LHX6: variants seen among roughly 807,000 people sequenced by gnomAD.
LHX6 encodes LIM homeobox 6, also known as LIM/homeobox protein Lhx6.
Under a neutral mutation model 47.1 loss-of-function variants are expected in LHX6, and 15 were observed. The ratio of observed to expected loss-of-function variants is 0.32; its 90% CI spans 0.21 to 0.49. LHX6 has a LOEUF of 0.49. LHX6 is among the 20% of genes least tolerant of loss of function. The probability of loss-of-function intolerance (pLI) is 0.99; values close to 1 mark genes in which losing one functional copy is unlikely to be tolerated. For missense variants in LHX6, 404 were observed against 539.6 expected, an observed-to-expected ratio of 0.75 and a Z score of 2.49; for synonymous variants, 242 against 233.5, an observed-to-expected ratio of 1.04 and a Z score of -0.33.
Position 122,214,227 on chromosome 9 carries a change from C to A in LHX6, c.783+56G>T. 1 of 1,393,782 alleles carries A rather than the reference C, an allele frequency of 7.2e-7. No individual in the cohort carries two copies. The highest frequency in any genetic ancestry group is 2.5e-4 in the Middle Eastern group (1 of 3,956). 86.3% of individuals were successfully genotyped at this position (1,393,782 alleles called of 1,614,324 possible). On this transcript the variant is annotated intron_variant, in intron 6 of 9. Transcript: ENST00000394319. This position sits in a 1 kb window ranked among gnomAD's most constrained non-coding sequence, Gnocchi z 4.6. ...GGGCGGAGCCAGGAGACATTGTCGGCCCCGCCCACTTTCGGCCCGGCCCCC... is the reference window on the plus strand; with the variant it reads ...GGGCGGAGCCAGGAGACATTGTCGGACCCGCCCACTTTCGGCCCGGCCCCC...
At position 122,213,228 on chromosome 9, in the gene LHX6, C is replaced by T. The variant is rs1412365013; in HGVS notation, c.1054+378G>A. Reference sequence around the variant, plus strand: ...TACCCAGCACCTTTCCTACAGGAATCATCCCACTTAAAACGACACACTCAT... The same window carrying T: ...TACCCAGCACCTTTCCTACAGGAATTATCCCACTTAAAACGACACACTCAT... On this transcript the variant is annotated intron_variant, in intron 8 of 9. Coordinates refer to ENST00000394319, the MANE Select transcript of LHX6 (RefSeq NM_014368.5). This position sits in a 1 kb window ranked among gnomAD's most constrained non-coding sequence, Gnocchi z 5.5. Among the ~76,000 whole-genome samples, 2 of 152,112 alleles carry T rather than the reference C, an allele frequency of 1.3e-5. No individual in the cohort carries two copies. Among genetic ancestry groups the T allele is most frequent in the Non-Finnish European group, 2.9e-5 (2 of 68,028 alleles).
chr9:122,214,622 G>T lies in LHX6; in HGVS notation c.683-239C>A, dbSNP rs1430976777. On this transcript the variant is annotated intron_variant, in intron 5 of 9. Coordinates refer to ENST00000394319, the MANE Select transcript of LHX6 (RefSeq NM_014368.5). The surrounding 1 kb of genome is among the most constrained non-coding windows in gnomAD (Gnocchi z 4.6). ...ACGTCTTACAGCCCTAAGGAGAGGTGGCGTTACCTCATTATACATGGGAGG... is the reference window on the plus strand; with the variant it reads ...ACGTCTTACAGCCCTAAGGAGAGGTTGCGTTACCTCATTATACATGGGAGG... Among the ~76,000 whole-genome samples the T allele has an allele frequency of 6.6e-6, 1 of 152,084 alleles. No homozygotes were observed. Among genetic ancestry groups the T allele is most frequent in the Non-Finnish European group, 1.5e-5 (1 of 68,016 alleles).
rs773696185 is a variant in LHX6 at position 122,217,328 on chromosome 9, G to C, written c.462-40C>G. Reference sequence around the variant, plus strand: ...GACAGGCACGGGGTGTCGAGACTCAGACAGGCCAACCTTCCTCCTTCCACC... The same window carrying C: ...GACAGGCACGGGGTGTCGAGACTCACACAGGCCAACCTTCCTCCTTCCACC... On this transcript the variant is annotated intron_variant, in intron 4 of 9. Transcript: ENST00000394319. The surrounding 1 kb of genome is among the most constrained non-coding windows in gnomAD (Gnocchi z 4.9). 6.5e-7 allele frequency: 1 copy of C among 1,542,896 alleles called. No individual in the cohort carries two copies. Among genetic ancestry groups the C allele is most frequent in the Non-Finnish European group, 8.8e-7 (1 of 1,139,274 alleles).
Position 122,213,659 on chromosome 9 carries a change from G to A in LHX6, c.1001C>T (p.Pro334Leu). The change falls in exon 8 of 10, where the codon CCG (proline) becomes CTG (leucine). Residue 334 changes from proline (P) to leucine (L), a missense_variant. This residue lies in a region of LHX6 where 127 missense variants were observed against 116.1 expected (regional missense o/e 1.09). Coordinates refer to ENST00000394319, the MANE Select transcript of LHX6 (RefSeq NM_014368.5). The surrounding 1 kb of genome is among the most constrained non-coding windows in gnomAD (Gnocchi z 5.5). ...SALSDDIHYTPFSSPERARMV... is the reference protein window; with the variant it reads ...SALSDDIHYTLFSSPERARMV... ...GCGCGCCCGCTCGGGGCTGCTGAAC[G>A]GGGTGTAGTGGATGTCGTCGGACAG... 2 of 1,611,310 alleles carry A rather than the reference G, an allele frequency of 1.2e-6. No homozygotes were observed. The highest frequency in any genetic ancestry group is 1.7e-4 in the Middle Eastern group (1 of 6,022).
chr9:122,227,488 A>AG lies in LHX6; in HGVS notation c.85-9dup, dbSNP rs771289498. On this transcript the variant is annotated splice_polypyrimidine_tract_variant and intron_variant, in intron 1 of 9. Transcript: ENST00000394319. ...CCCTGGCTGGGCCATCACCTGGGGG[A>AG]GGGGGGGAGGGAACGCAGGCGGCGG... The AG allele has an allele frequency of 2.6e-4, 93 of 360,118 alleles. No individual in the cohort carries two copies. The highest frequency in any genetic ancestry group is 3.4e-4 in the Non-Finnish European group (67 of 195,846). 22.3% of individuals were successfully genotyped at this position (360,118 alleles called of 1,614,324 possible).
At chr9:122,221,114 T>C in intron 4 of LHX6, 10 of 985,514 alleles carry the variant, frequency 1.0e-5, no homozygotes, top group Non-Finnish European at 1.1e-5. Context: ...CAAGACCTTC[T>C]TGAAGGCTTT....
intron 8 of LHX6, among the ~76,000 whole-genome samples, chr9:122,209,939 G>A (rs113239946): frequency 0.014 from 2,199 of 151,798 alleles, 54 homozygotes; most frequent in African/African-American, 0.049. Context: ...GCAGTGGCAC[G>A]ATCTTGGCTC....
At chr9:122,222,113 C>T (rs1367680324) in intron 4 of LHX6, among the ~76,000 whole-genome samples, 3 of 152,232 alleles carry the variant, frequency 2.0e-5, no homozygotes, top group African/African-American at 7.2e-5. Context: ...TCCTGTGTCA[C>T]TGTAAGCAAT....
Position 122,213,586 on chromosome 9 carries a change from C to T in LHX6, c.1054+20G>A. 1 of 1,540,206 alleles carries T rather than the reference C, an allele frequency of 6.5e-7. No individual in the cohort carries two copies. On this transcript the variant is annotated intron_variant, in intron 8 of 9. Coordinates refer to ENST00000394319, the MANE Select transcript of LHX6 (RefSeq NM_014368.5). The surrounding 1 kb of genome is among the most constrained non-coding windows in gnomAD (Gnocchi z 5.5). ...CCCCTCCCCGCAGGCCCAGCGGCTC[C>T]CGGCGCTGCGGTTACTTACTCTCAA...
At position 122,228,746 on chromosome 9, in the gene LHX6, G is replaced by A. The variant is rs780004247; in HGVS notation, c.-6C>T. 8 of 1,259,444 alleles carry A rather than the reference G, an allele frequency of 6.4e-6. No individual in the cohort carries two copies. The highest frequency in any genetic ancestry group is 2.8e-4 in the Middle Eastern group (1 of 3,542). The allele number at this position is 1,259,444 out of a possible 1,614,324, so 78.0% of individuals were successfully genotyped here. ...TTCTCATGCTTCCAGTACATGGGCC[G>A]GGGAACCTCGGGCTCAGCGGGCGCG... On this transcript the variant is annotated 5_prime_UTR_variant, in exon 1 of 10. Coordinates refer to ENST00000394319, the MANE Select transcript of LHX6 (RefSeq NM_014368.5).
At position 122,217,673 on chromosome 9, in the gene LHX6, A is replaced by G. The variant is rs1830647730; in HGVS notation, c.462-385T>C. On this transcript the variant is annotated intron_variant, in intron 4 of 9. Transcript: ENST00000394319. This position sits in a 1 kb window ranked among gnomAD's most constrained non-coding sequence, Gnocchi z 4.9. ...TGTTTTACATTGATTATCCCAATTAATCCTCATTTTGCAGGTGAGGAAAAT... is the reference window on the plus strand; with the variant it reads ...TGTTTTACATTGATTATCCCAATTAGTCCTCATTTTGCAGGTGAGGAAAAT... Among the ~76,000 whole-genome samples, 3 of 152,232 alleles carry G rather than the reference A, an allele frequency of 2.0e-5. No homozygotes were observed. The South Asian group carries it at 6.2e-4, about 31-fold the overall frequency.
chr9:122,206,351 G>A (rs1437347077), intron 9 of LHX6, among the ~76,000 whole-genome samples: 2 of 152,200 alleles, frequency 1.3e-5, no homozygotes, highest in African/African-American at 4.8e-5. Flanking sequence ...GAAGGACTTG[G>A]AAGAAAGCCC....
At chr9:122,207,837 G>A (rs758487242) in intron 9 of LHX6, among the ~76,000 whole-genome samples, 3 of 152,040 alleles carry the variant, frequency 2.0e-5, no homozygotes, top group African/African-American at 4.8e-5. Flanking sequence ...TATTACACTC[G>A]CAGATCCCTA....
At chr9:122,206,532 G>A (rs552604565) in intron 9 of LHX6, among the ~76,000 whole-genome samples, 1 of 152,322 alleles carries the variant, frequency 6.6e-6, no homozygotes, top group South Asian at 2.1e-4. Context: ...CTTTCTGGGT[G>A]CAAAGTTGGG....
At chr9:122,224,935 C>T (rs1564445981) in intron 4 of LHX6, among the ~76,000 whole-genome samples, 1 of 152,164 alleles carries the variant, frequency 6.6e-6, no homozygotes, top group Non-Finnish European at 1.5e-5. Flanking sequence ...CTTGGTTGAG[C>T]TGCCCCCACC....
At chr9:122,221,454 G>C in intron 4 of LHX6, 1 of 985,514 alleles carries the variant, frequency 1.0e-6, no homozygotes, top group Non-Finnish European at 1.2e-6. Context: ...GCTGGAGCCC[G>C]CGACAGAGCT....
At chr9:122,221,723 C>T (rs1830870537) in intron 4 of LHX6, 12 of 985,408 alleles carry the variant, frequency 1.2e-5, no homozygotes, top group African/African-American at 1.7e-5. Context: ...TGCAAGATCA[C>T]CCAGGGAGCC....
At chr9:122,211,289 A>G (rs1254782205) in intron 8 of LHX6, among the ~76,000 whole-genome samples, 2 of 152,146 alleles carry the variant, frequency 1.3e-5, no homozygotes, top group East Asian at 3.8e-4. Flanking sequence ...AGAATAAAGG[A>G]GTTATATTAA....
chr9:122,222,895 T>C (rs1830929457), intron 4 of LHX6, among the ~76,000 whole-genome samples: 1 of 152,168 alleles, frequency 6.6e-6, no homozygotes, highest in Non-Finnish European at 1.5e-5. Flanking sequence ...TCTTGGCCTC[T>C]CTTTGGGCAG....
Sources: allele counts gnomAD v4.1 joint callset (sites outside exome capture counted in the v4.1 genomes callset), GRCh38; gene constraint gnomAD v4.1.1; regional missense constraint gnomAD v4.1.1; non-coding constraint Gnocchi (gnomAD v3.1); transcripts MANE v1.5; gene names NCBI Gene and HGNC (gene_info 2026-07-23, HGNC 2026-07-21).